C2CD3: variants seen among roughly 807,000 people sequenced by gnomAD.
The protein encoded by C2CD3 is C2 domain containing 3 centriole elongation regulator.
A neutral mutation model predicts 234.0 loss-of-function variants in C2CD3; 148 were observed. The ratio of observed to expected loss-of-function variants is 0.63; its 90% CI spans 0.55 to 0.72. The LOEUF (loss-of-function observed/expected upper bound fraction) is 0.72. Among genes scored for constraint, C2CD3 ranks in the 30% least tolerant of loss-of-function variants. The probability of loss-of-function intolerance (pLI) is 0.00; values close to 1 mark genes in which losing one functional copy is unlikely to be tolerated. For synonymous variants in C2CD3, 1,000 were observed against 1,035.4 expected (o/e 0.97, Z 0.66); for missense variants, 2,577 against 2,811.5 (o/e 0.92, Z 1.89).
intron 32 of C2CD3, among the ~76,000 whole-genome samples, chr11:74,026,158 A>G (rs1022743647): frequency 6.6e-6 from 1 of 152,162 alleles, no homozygotes; most frequent in African/African-American, 2.4e-5. Context: ...GAAGAAAAAA[A>G]TTAGCTGGTT....
chr11:74,041,512 T>A (rs1953056235), intron 29 of C2CD3, among the ~76,000 whole-genome samples: 1 of 152,196 alleles, frequency 6.6e-6, no homozygotes, highest in African/African-American at 2.4e-5. Context: ...TTTGGCAACA[T>A]GGCTATCTCC....
intron 3 of C2CD3, among the ~76,000 whole-genome samples, chr11:74,144,347 A>G (rs927413267): frequency 6.6e-6 from 1 of 152,218 alleles, no homozygotes; most frequent in South Asian, 2.1e-4. Flanking sequence ...AGTTTCACCT[A>G]CCAATGAGAG....
chr11:74,170,688 C>A, intron 1 of C2CD3, 50 bp downstream of exon 1: 1 of 1,609,662 alleles, frequency 6.2e-7, no homozygotes, highest in Non-Finnish European at 8.5e-7. Flanking sequence ...AAATTCCTTA[C>A]ACCCTGCTCT....
At chr11:74,043,466 G>T (rs1186762823) in intron 28 of C2CD3, among the ~76,000 whole-genome samples, 2 of 152,114 alleles carry the variant, frequency 1.3e-5, no homozygotes, top group Non-Finnish European at 2.9e-5. Flanking sequence ...TTTTTGTGTG[G>T]ACATTTGTTT....
At chr11:74,094,625 T>C (rs1159762770) in intron 17 of C2CD3, among the ~76,000 whole-genome samples, 1 of 152,098 alleles carries the variant, frequency 6.6e-6, no homozygotes, top group Non-Finnish European at 1.5e-5. Flanking sequence ...GTGAGAAGCT[T>C]CCAATCTGGG....
chr11:74,064,994 A>G (rs1432658292), intron 24 of C2CD3, among the ~76,000 whole-genome samples: 1 of 152,132 alleles, frequency 6.6e-6, no homozygotes, highest in Non-Finnish European at 1.5e-5. Flanking sequence ...AATACCATTC[A>G]GGCCATAGGC....
At chr11:74,102,980 C>T in intron 14 of C2CD3, 151 bp downstream of exon 14, 1 of 717,488 alleles carries the variant, frequency 1.4e-6, no homozygotes, top group Non-Finnish European at 2.3e-6. Flanking sequence ...TCCCTCTTCC[C>T]ATCCAATAGT....
intron 6 of C2CD3, 70 bp from the exon 7 acceptor site, chr11:74,133,042 C>G: frequency 6.9e-7 from 1 of 1,443,142 alleles, no homozygotes; most frequent in Non-Finnish European, 9.7e-7. Flanking sequence ...ATAATCACTT[C>G]GTACATGCAG....
At chr11:74,138,690 G>A in intron 5 of C2CD3, 30 bp downstream of exon 5, 1 of 1,586,718 alleles carries the variant, frequency 6.3e-7, no homozygotes, top group Non-Finnish European at 8.6e-7. Flanking sequence ...ACGTAGTTTA[G>A]TCTGACTCAG....
intron 18 of C2CD3, 23 bp from the exon 19 acceptor site, chr11:74,092,611 T>C (rs571638499): frequency 6.3e-7 from 1 of 1,596,352 alleles, no homozygotes; most frequent in East Asian, 2.2e-5. Flanking sequence ...AAAGCACACG[T>C]TGTCAGAAGA....
chr11:74,021,932 C>G (rs747399795), intron 32 of C2CD3, among the ~76,000 whole-genome samples: 46 of 152,254 alleles, frequency 3.0e-4, no homozygotes, highest in Non-Finnish European at 6.0e-4. Flanking sequence ...TCGAGACCAG[C>G]CTGGCCAACA....
chr11:74,053,285 AT>A (rs1953782334), intron 26 of C2CD3, among the ~76,000 whole-genome samples: 1 of 152,248 alleles, frequency 6.6e-6, no homozygotes, highest in Non-Finnish European at 1.5e-5. Flanking sequence ...TTGCTCGGTA[AT>A]AAAAACAAGA....
At chr11:74,085,594 T>G in intron 21 of C2CD3, 24 bp downstream of exon 21, 1 of 1,610,854 alleles carries the variant, frequency 6.2e-7, no homozygotes, top group Non-Finnish European at 8.5e-7. Context: ...TAATTTTGAT[T>G]GTGACAAGTC....
chr11:74,076,273 G>A (rs921008541), intron 23 of C2CD3, among the ~76,000 whole-genome samples: 3 of 152,164 alleles, frequency 2.0e-5, no homozygotes, highest in Non-Finnish European at 4.4e-5. Flanking sequence ...TGATCACCTA[G>A]ATACACTCAG....
Position 74,106,457 on chromosome 11 carries a change from C to A in C2CD3, c.1999G>T (p.Ala667Ser), listed in dbSNP as rs1286539360. ...GAAAGCAGCTCTGATTGAATGACAG[C>A]TCGCAAAGAAAGTGACACAGATCCA... ...VIGSVSLSLR[A>S]VIQSELLSFS... Residue 667 changes from alanine to serine, a missense_variant, in exon 13 of 33, where the codon GCT becomes TCT. Physicochemically the swap from Ala to Ser is moderately conservative, Grantham distance 99. Transcript: ENST00000334126. The A allele has an allele frequency of 6.2e-7, 1 of 1,613,898 alleles. No homozygotes were observed. Among genetic ancestry groups the A allele is most frequent in the Non-Finnish European group, 8.5e-7 (1 of 1,179,830 alleles).
intron 24 of C2CD3, among the ~76,000 whole-genome samples, chr11:74,073,334 C>T (rs1013618778): frequency 6.6e-6 from 1 of 152,100 alleles, no homozygotes; most frequent in Non-Finnish European, 1.5e-5. Context: ...CGTCTGTACT[C>T]CCAGCACTTT....
rs34965283 is a variant in C2CD3 at position 74,082,123 on chromosome 11, A to ATT, written c.4000+2756_4000+2757dup. ...ATTCAGTATGATACTGGCTGTGGAT[A>ATT]TTTTTTTTTTTTTTTTTGAGACGGA... On this transcript the variant is annotated intron_variant, in intron 22 of 32. Transcript: ENST00000334126. 3.2e-3 allele frequency among the ~76,000 whole-genome samples: 444 copies of ATT among 136,802 alleles called. 4 individuals are homozygous for ATT. The highest frequency in any genetic ancestry group is 5.6e-3 in the African/African-American group (211 of 37,408). 89.7% of individuals were successfully genotyped at this position (136,802 alleles called of 152,430 possible).
At chr11:74,138,644 T>C in intron 5 of C2CD3, 76 bp downstream of exon 5, 2 of 1,204,498 alleles carry the variant, frequency 1.7e-6, no homozygotes, top group Admixed American at 3.7e-5. Flanking sequence ...CTTGGTTCTC[T>C]TTGTAGGCTG....
At position 74,084,962 on chromosome 11, in the gene C2CD3, T is replaced by C; in HGVS notation, c.3919A>G (p.Ile1307Val). The change falls in exon 22 of 33, where the codon ATA (isoleucine) becomes GTA (valine). Residue 1307 changes from isoleucine (I) to valine (V), a missense_variant. Physicochemically the swap from Ile to Val is conservative, Grantham distance 29 (BLOSUM62 3). Coordinates refer to ENST00000334126, the MANE Select transcript of C2CD3 (RefSeq NM_001286577.2). ...TCTTTGCATGACTCAATACTGATTATATCACTTGCTGTTAAATCAAGCAAA... is the reference window on the plus strand; with the variant it reads ...TCTTTGCATGACTCAATACTGATTACATCACTTGCTGTTAAATCAAGCAAA... ...YHENTKSASD[I>V]ISIESCKEYL... 5.6e-6 allele frequency: 9 copies of C among 1,604,306 alleles called. No individual in the cohort carries two copies. In the South Asian group the frequency reaches 7.7e-5, roughly 14 times the overall value.
Sources: gnomAD v4.1 joint callset for allele counts (sites outside exome capture counted in the v4.1 genomes callset) on GRCh38, gnomAD v4.1.1 for gene constraint, MANE v1.5 for transcripts, NCBI Gene and HGNC (gene_info 2026-07-23, HGNC 2026-07-21) for gene names.